The following PTPRD variants were observed in gnomAD, a reference collection of about 807,000 sequenced individuals.
The protein encoded by PTPRD is protein tyrosine phosphatase receptor type D, also known as receptor-type tyrosine-protein phosphatase delta.
A neutral mutation model predicts 214.5 loss-of-function variants in PTPRD; 34 were observed. That is an observed-to-expected ratio of 0.16 (90% confidence interval 0.12 to 0.21). The LOEUF (loss-of-function observed/expected upper bound fraction) is 0.21, where lower values mean the gene tolerates loss of function less well. Ranked by LOEUF, PTPRD falls within the 10% of genes least tolerant of loss-of-function variation. The pLI is 1.00. For synonymous variants in PTPRD, 1,128 were observed against 845.7 expected (o/e 1.33, Z -5.79); for missense variants, 2,545 against 2,398.7 (o/e 1.06, Z -1.27).
intron 11 of PTPRD, among the ~76,000 whole-genome samples, chr9:8,883,835 A>G (rs2098465646): frequency 6.6e-6 from 1 of 152,222 alleles, no homozygotes; most frequent in African/African-American, 2.4e-5. Flanking sequence ...GAGCCGGTCC[A>G]GTAATGGATA....
chr9:8,590,998 G>C (rs906649078), intron 14 of PTPRD, among the ~76,000 whole-genome samples: 2 of 152,146 alleles, frequency 1.3e-5, no homozygotes, highest in African/African-American at 2.4e-5. Flanking sequence ...GCATTTTCCA[G>C]TTTCTAGAGG....
At chr9:8,454,383 T>G (rs1321848093) in intron 33 of PTPRD, among the ~76,000 whole-genome samples, 1 of 152,220 alleles carries the variant, frequency 6.6e-6, no homozygotes, top group African/African-American at 2.4e-5. Flanking sequence ...TGTTTTTTTC[T>G]AATGTAAACA....
intron 7 of PTPRD, among the ~76,000 whole-genome samples, chr9:9,664,740 T>C (rs1047752816): frequency 1.3e-5 from 2 of 151,708 alleles, no homozygotes; most frequent in Non-Finnish European, 3.0e-5. Flanking sequence ...TGAAGGAGTC[T>C]TGCAGTCCAT....
intron 9 of PTPRD, among the ~76,000 whole-genome samples, chr9:9,296,863 A>C (rs915552532): frequency 1.3e-5 from 2 of 151,826 alleles, no homozygotes; most frequent in African/African-American, 4.8e-5. Flanking sequence ...CCAAAAGCAA[A>C]GCCTAGACTA....
intron 9 of PTPRD, among the ~76,000 whole-genome samples, chr9:9,188,009 C>G (rs1227771363): frequency 6.6e-6 from 1 of 151,982 alleles, no homozygotes; most frequent in Non-Finnish European, 1.5e-5. Context: ...ACACCACCCA[C>G]GTCAAGATAT....
chr9:10,097,113 C>A (rs1322075442), intron 3 of PTPRD, among the ~76,000 whole-genome samples: 1 of 148,828 alleles, frequency 6.7e-6, no homozygotes, highest in East Asian at 2.0e-4. Context: ...GTTTTGGTAC[C>A]AGTACCATGC....
At position 9,865,849 on chromosome 9, in the gene PTPRD, G is replaced by A. The variant is rs1273632589; in HGVS notation, c.-368+72658C>T. Among the ~76,000 whole-genome samples the A allele has an allele frequency of 5.9e-5, 9 of 152,296 alleles. No homozygotes were observed. The East Asian group carries it at 1.7e-3, about 29-fold the overall frequency. ...GATAATTTAGCTCTTTTCAAAGCAAGTCTCATAACACCAATTTCCTCATGT... is the reference window on the plus strand; with the variant it reads ...GATAATTTAGCTCTTTTCAAAGCAAATCTCATAACACCAATTTCCTCATGT... On this transcript the variant is annotated intron_variant, in intron 5 of 45. Coordinates refer to ENST00000381196, the MANE Select transcript of PTPRD (RefSeq NM_002839.4).
chr9:9,510,284 T>A (rs1337280665), intron 8 of PTPRD, among the ~76,000 whole-genome samples: 2 of 151,650 alleles, frequency 1.3e-5, no homozygotes, highest in African/African-American at 4.8e-5. Flanking sequence ...GAATAGTATC[T>A]CTTTTTTTTA....
Position 9,121,492 on chromosome 9 carries a change from T to A in PTPRD, c.-143+61812A>T, listed in dbSNP as rs560124112. On this transcript the variant is annotated intron_variant, in intron 10 of 45. Coordinates refer to ENST00000381196, the MANE Select transcript of PTPRD (RefSeq NM_002839.4). The stretch of plus-strand genomic sequence containing the variant: ...TACACGATAGAATACTACTCAGCCA[T>A]ACAAAGGAATGAATTAACAGCATTT... Among the ~76,000 whole-genome samples, 6 of 152,274 alleles carry A rather than the reference T, an allele frequency of 3.9e-5. No individual in the cohort carries two copies. In the East Asian group the frequency reaches 1.2e-3, roughly 29 times the overall value.
intron 5 of PTPRD, among the ~76,000 whole-genome samples, chr9:9,843,796 T>C (rs2058869562): frequency 6.6e-6 from 1 of 151,936 alleles, no homozygotes; most frequent in Admixed American, 6.6e-5. Context: ...AAACCGAAAT[T>C]TAAATAGAGG....
At chr9:9,405,739 G>A (rs1483599253) in intron 8 of PTPRD, among the ~76,000 whole-genome samples, 1 of 151,850 alleles carries the variant, frequency 6.6e-6, no homozygotes, top group African/African-American at 2.4e-5. Context: ...CTGTACCTTG[G>A]GGGAGACAGT....
chr9:8,766,891 G>A (rs920951887), intron 11 of PTPRD, among the ~76,000 whole-genome samples: 1 of 152,156 alleles, frequency 6.6e-6, no homozygotes, highest in African/African-American at 2.4e-5. Flanking sequence ...ATATCAATTA[G>A]CCGATGGTGA....
intron 3 of PTPRD, among the ~76,000 whole-genome samples, chr9:10,265,030 A>AGGT (rs1256076668): frequency 2.6e-5 from 4 of 152,098 alleles, no homozygotes; most frequent in African/African-American, 9.7e-5. Flanking sequence ...CATGACTGTG[A>AGGT]GGCCTTCCCA....
At chr9:8,808,822 C>G (rs889105708) in intron 11 of PTPRD, among the ~76,000 whole-genome samples, 20 of 152,100 alleles carry the variant, frequency 1.3e-4, no homozygotes, top group African/African-American at 4.6e-4. Context: ...ATCAAACTCT[C>G]TGGATATGGT....
chr9:9,420,742 G>C lies in PTPRD; in HGVS notation c.-236-23260C>G, dbSNP rs186665280. ...ACATAACCACCAAAATAATTATGTA[G>C]CTCAATATTTATGACATGGAAAGAT... On this transcript the variant is annotated intron_variant, in intron 8 of 45. Transcript: ENST00000381196. Among the ~76,000 whole-genome samples, 134 of 151,912 alleles carry C rather than the reference G, an allele frequency of 8.8e-4. 1 individual carries two copies. The highest frequency in any genetic ancestry group is 2.7e-3 in the African/African-American group (114 of 41,492).
chr9:9,079,139 C>T (rs576659137), intron 10 of PTPRD, among the ~76,000 whole-genome samples: 1 of 152,030 alleles, frequency 6.6e-6, no homozygotes, highest in African/African-American at 2.4e-5. Flanking sequence ...CCACAGAACA[C>T]TATAACTTAT....
intron 3 of PTPRD, among the ~76,000 whole-genome samples, chr9:10,177,897 T>C (rs966268321): frequency 6.6e-6 from 1 of 151,884 alleles, no homozygotes; most frequent in Non-Finnish European, 1.5e-5. Context: ...TAAAAAAAGA[T>C]TATCTACATC....
At chr9:9,070,248 T>G (rs2099741847) in intron 10 of PTPRD, among the ~76,000 whole-genome samples, 1 of 152,240 alleles carries the variant, frequency 6.6e-6, no homozygotes, top group East Asian at 1.9e-4. Context: ...GACGCCAACT[T>G]GTCAAGGAGT....
chr9:10,093,827 A>G (rs2098456557), intron 3 of PTPRD, among the ~76,000 whole-genome samples: 1 of 151,506 alleles, frequency 6.6e-6, no homozygotes, highest in African/African-American at 2.4e-5. Flanking sequence ...AAGCAAATTA[A>G]TGCAGCAACA....
Sources: allele counts gnomAD v4.1 joint callset (sites outside exome capture counted in the v4.1 genomes callset), GRCh38; gene constraint gnomAD v4.1.1; transcripts MANE v1.5; gene names NCBI Gene and HGNC (gene_info 2026-07-23, HGNC 2026-07-21).